PTPRQ: variants seen among roughly 807,000 people sequenced by gnomAD.
PTPRQ encodes the protein protein tyrosine phosphatase receptor type Q.
In PTPRQ, 199 loss-of-function variants were observed where a neutral mutation model predicts 246.0. That is an observed-to-expected ratio of 0.81 (90% CI 0.72 to 0.91). The LOEUF (loss-of-function observed/expected upper bound fraction) is 0.91, where lower values mean the gene tolerates loss of function less well. Among genes scored for constraint, PTPRQ ranks in the 40% least tolerant of loss-of-function variants. The pLI is 0.00. For missense variants in PTPRQ, 2,624 were observed against 2,528.4 expected (o/e 1.04, Z -0.81); for synonymous variants, 869 against 853.2 (o/e 1.02, Z -0.32).
At chr12:80,539,030 G>A (rs1696524635) in intron 19 of PTPRQ, among the ~76,000 whole-genome samples, 1 of 152,068 alleles carries the variant, frequency 6.6e-6, no homozygotes, top group Non-Finnish European at 1.5e-5. Context: ...ATACTGATTA[G>A]CTATGTGTTT....
chr12:80,670,465 A>G lies in PTPRQ; in HGVS notation c.6575A>G (p.Asp2192Gly). ...VKLVRASRAH[D>G]TTPMIVHCSA... ...TTGGTTCGAGCAAGCAGGGCACATG[A>G]CACCACACCTATGATTGTTCACTGC... The change falls in exon 42 of 45, where the codon GAC becomes GGC. Residue 2192 changes from aspartate to glycine, a missense_variant. Physicochemically the swap from Asp to Gly is moderately conservative, Grantham distance 94. Transcript: ENST00000644991. The G allele has an allele frequency of 6.4e-7, 1 of 1,550,882 alleles. No individual in the cohort carries two copies. The highest frequency in any genetic ancestry group is 8.7e-7 in the Non-Finnish European group (1 of 1,146,416).
Position 80,523,232 on chromosome 12 carries a change from C to T in PTPRQ, c.2679-10783C>T, listed in dbSNP as rs544378426. 2.3e-3 allele frequency among the ~76,000 whole-genome samples: 350 copies of T among 151,946 alleles called. 2 individuals carry two copies. Among genetic ancestry groups the T allele is most frequent in the African/African-American group, 7.6e-3 (314 of 41,458 alleles). On this transcript the variant is annotated intron_variant, in intron 17 of 44. Transcript: ENST00000644991. ...ATATCCCCTTTAGCATTTTTTATTGCGTCTATTTGATTCTTCTCTCTTTCC... is the reference window on the plus strand; with the variant it reads ...ATATCCCCTTTAGCATTTTTTATTGTGTCTATTTGATTCTTCTCTCTTTCC...
intron 37 of PTPRQ, among the ~76,000 whole-genome samples, chr12:80,651,993 A>G (rs1169570827): frequency 6.6e-6 from 1 of 152,118 alleles, no homozygotes; most frequent in Non-Finnish European, 1.5e-5. Flanking sequence ...AAAATTGTTA[A>G]AACACATATT....
chr12:80,502,444 T>G (rs2120682048), intron 14 of PTPRQ, among the ~76,000 whole-genome samples: 1 of 152,054 alleles, frequency 6.6e-6, no homozygotes, highest in South Asian at 2.1e-4. Flanking sequence ...TGTTATAAAT[T>G]TAAGTGGAAC....
chr12:80,530,188 C>T (rs1895803066), intron 17 of PTPRQ, among the ~76,000 whole-genome samples: 1 of 152,104 alleles, frequency 6.6e-6, no homozygotes, highest in South Asian at 2.1e-4. Flanking sequence ...ATGCCTTATT[C>T]TCTTTTTTTA....
chr12:80,591,390 C>T (rs1292022169), intron 26 of PTPRQ, among the ~76,000 whole-genome samples: 1 of 152,100 alleles, frequency 6.6e-6, no homozygotes, highest in Admixed American at 6.5e-5. Flanking sequence ...TGGCCTCCCA[C>T]AGTGCTGAGA....
At chr12:80,636,650 T>C (rs1338615564) in intron 35 of PTPRQ, among the ~76,000 whole-genome samples, 1 of 152,238 alleles carries the variant, frequency 6.6e-6, no homozygotes, top group Non-Finnish European at 1.5e-5. Context: ...TAGTTGAATC[T>C]GTTCATACTA....
intron 5 of PTPRQ, among the ~76,000 whole-genome samples, chr12:80,460,229 C>T (rs969502162): frequency 2.6e-5 from 4 of 152,098 alleles, no homozygotes; most frequent in East Asian, 1.9e-4. Flanking sequence ...ACACACCTAA[C>T]GTGTGAGCTA....
rs1312745977 is a variant in PTPRQ, at chr12:80,472,145, A to G, written c.1080A>G (p.Ala360=). The G allele has an allele frequency of 1.2e-5, 19 of 1,551,482 alleles. No individual in the cohort carries two copies. The highest frequency in any genetic ancestry group is 1.7e-5 in the Non-Finnish European group (19 of 1,146,956). Residue 360 remains alanine (A), a synonymous_variant, in exon 8 of 45, where the codon GCA becomes GCG. Transcript: ENST00000644991. ...ACAGCACAAAAGACCTCAAGTTTGC[A>G]TTCACTAACCTAACACCATTTACAA... ...LDNSTKDLKF[A]FTNLTPFTMY... is the part of the protein sequence containing the mutation.
rs541345261 is a variant in PTPRQ, at chr12:80,555,206, G to A, written c.4285+5472G>A. ...GCTGGTATTACAGGCGTGAGCCACC[G>A]CTCCCAGCCTGCCCAGCTAATTTTT... On this transcript the variant is annotated intron_variant, in intron 25 of 44. Coordinates refer to ENST00000644991, the MANE Select transcript of PTPRQ (RefSeq NM_001145026.2). Among the ~76,000 whole-genome samples the A allele has an allele frequency of 5.9e-5, 9 of 151,952 alleles. No individual in the cohort carries two copies. In the South Asian group the frequency reaches 1.7e-3, roughly 28 times the overall value.
chr12:80,454,858 A>G (rs1271760315), intron 3 of PTPRQ, among the ~76,000 whole-genome samples: 5 of 152,264 alleles, frequency 3.3e-5, no homozygotes, highest in Admixed American at 3.3e-4. Context: ...TTTCCAAAAA[A>G]GTCACTAAGC....
At chr12:80,533,315 C>T (rs961681811) in intron 17 of PTPRQ, among the ~76,000 whole-genome samples, 2 of 151,650 alleles carry the variant, frequency 1.3e-5, no homozygotes, top group African/African-American at 4.8e-5. Flanking sequence ...TCTTTTTTCC[C>T]TTCCTGAGAT....
chr12:80,649,610 CT>C lies in PTPRQ; in HGVS notation c.5966del (p.Leu1989ArgfsTer13). ...GAGGCCAATAAGCAAGAAATCCTTCCTGCAACATGTTGAAGAGCTTTGCACA... is the reference window on the plus strand; with the variant it reads ...GAGGCCAATAAGCAAGAAATCCTTCCGCAACATGTTGAAGAGCTTTGCACA... ...SIKPISKKSFLQHVEELCTNN... is the reference protein window; with the variant it reads ...SIKPISKKSFXQHVEELCTNN... On this transcript the variant is annotated frameshift_variant, in exon 37 of 45. Transcript: ENST00000644991. LOFTEE classifies it high-confidence loss of function. 1 of 1,549,644 alleles carries C rather than the reference CT, an allele frequency of 6.5e-7. No homozygotes were observed. Among genetic ancestry groups the C allele is most frequent in the Non-Finnish European group, 8.7e-7 (1 of 1,145,752 alleles).
At chr12:80,655,301 G>A (rs923011768) in intron 38 of PTPRQ, among the ~76,000 whole-genome samples, 1 of 152,106 alleles carries the variant, frequency 6.6e-6, no homozygotes, top group African/African-American at 2.4e-5. Context: ...CCCCATAAGA[G>A]TATTGTAAAA....
At chr12:80,609,034 C>G (rs1041306152) in intron 27 of PTPRQ, among the ~76,000 whole-genome samples, 9 of 150,452 alleles carry the variant, frequency 6.0e-5, no homozygotes, top group Non-Finnish European at 1.3e-4. Context: ...CTTCCATTTT[C>G]GAGAAGTGGG....
intron 6 of PTPRQ, among the ~76,000 whole-genome samples, chr12:80,461,112 A>C (rs985728915): frequency 1.3e-5 from 2 of 152,186 alleles, no homozygotes; most frequent in Non-Finnish European, 2.9e-5. Flanking sequence ...AAAGATTTGC[A>C]AAAAACAATT....
intron 25 of PTPRQ, among the ~76,000 whole-genome samples, chr12:80,582,461 G>C (rs577407709): frequency 6.6e-6 from 1 of 152,240 alleles, no homozygotes; most frequent in Non-Finnish European, 1.5e-5. Flanking sequence ...CCTTTCAGAG[G>C]TAATTAGGTC....
chr12:80,619,355 T>C, intron 30 of PTPRQ, 29 bp from the exon 31 acceptor site: 5 of 1,542,654 alleles, frequency 3.2e-6, no homozygotes, highest in Non-Finnish European at 4.4e-6. Flanking sequence ...ATAACATCAA[T>C]TGCAGTGATA....
chr12:80,510,791 T>C (rs1247086279), intron 17 of PTPRQ, among the ~76,000 whole-genome samples: 1 of 152,200 alleles, frequency 6.6e-6, no homozygotes, highest in Non-Finnish European at 1.5e-5. Context: ...GTCTTTCAAG[T>C]GTCCCTTGAG....
Sources: gnomAD v4.1 joint callset for allele counts (sites outside exome capture counted in the v4.1 genomes callset) on GRCh38, gnomAD v4.1.1 for gene constraint, MANE v1.5 for transcripts, NCBI Gene and HGNC (gene_info 2026-07-23, HGNC 2026-07-21) for gene names.